RMC1: variants seen among roughly 807,000 people sequenced by gnomAD.
RMC1 encodes regulator of MON1-CCZ1 complex.
In RMC1, 44 loss-of-function variants were observed where a neutral mutation model predicts 95.5. The observed-to-expected ratio is 0.46, with a 90% CI of 0.36 to 0.59. The LOEUF (loss-of-function observed/expected upper bound fraction) is 0.59, where lower values mean the gene tolerates loss of function less well. RMC1 is among the 20% of genes least tolerant of loss of function. The pLI is 0.00. For missense variants in RMC1, 705 were observed against 819.6 expected, an observed-to-expected ratio of 0.86 and a Z score of 1.71; for synonymous variants, 320 against 303.6, an observed-to-expected ratio of 1.05 and a Z score of -0.56.
chr18:23,531,564 GCTTT>G (rs928039586), intron 19 of RMC1, 57 bp from the exon 20 acceptor site: 31 of 1,586,632 alleles, frequency 2.0e-5, no homozygotes, highest in African/African-American at 1.6e-4. Context: ...CCTACGAGAT[GCTTT>G]CTTTGTCCCT....
At chr18:23,513,053 A>G (rs912003867) in intron 5 of RMC1, among the ~76,000 whole-genome samples, 1 of 152,018 alleles carries the variant, frequency 6.6e-6, no homozygotes, top group Non-Finnish European at 1.5e-5. Context: ...TCCTGGGTTC[A>G]GGCGATTCTC....
rs1015779338 is a variant in RMC1, at chr18:23,524,630, T to C, written c.1060+148T>C. The C allele has an allele frequency of 9.8e-6, 7 of 715,862 alleles. No homozygotes were observed. In the African/African-American group the frequency reaches 1.3e-4, roughly 13 times the overall value. 44.3% of individuals were successfully genotyped at this position (715,862 alleles called of 1,614,324 possible). ...AATGGGATTTTTTTTTTTCACTTTA[T>C]ACGTTTTTTACTATATGTGCATTTT... is the stretch of plus-strand genomic sequence containing the variant. On this transcript the variant is annotated intron_variant, in intron 12 of 19. Transcript: ENST00000269221.
chr18:23,529,726 A>G lies in RMC1; in HGVS notation c.1494+14A>G, dbSNP rs376719486. On this transcript the variant is annotated intron_variant, in intron 16 of 19. Coordinates refer to ENST00000269221, the MANE Select transcript of RMC1 (RefSeq NM_013326.5). Reference sequence around the variant, plus strand: ...ATTGCAGTACAGGTACCTTCAAATCATCTGGGCCCAAGTTAAAACAGAAGG... The same window carrying G: ...ATTGCAGTACAGGTACCTTCAAATCGTCTGGGCCCAAGTTAAAACAGAAGG... 3 of 1,603,358 alleles carry G rather than the reference A, an allele frequency of 1.9e-6. No homozygotes were observed. In the African/African-American group the frequency reaches 4.0e-5, roughly 21 times the overall value.
chr18:23,505,120 C>T (rs1183898860), intron 2 of RMC1, among the ~76,000 whole-genome samples: 3 of 152,218 alleles, frequency 2.0e-5, no homozygotes, highest in South Asian at 2.1e-4. Context: ...TGCAGTGGTG[C>T]GATCTTGGCT....
intron 5 of RMC1, 132 bp from the exon 6 acceptor site, chr18:23,515,724 G>C: frequency 2.0e-6 from 2 of 986,552 alleles, no homozygotes; most frequent in Non-Finnish European, 3.0e-6. Flanking sequence ...GTAGAGATGG[G>C]GTTTTACCAT....
intron 12 of RMC1, among the ~76,000 whole-genome samples, chr18:23,525,534 C>T (rs1296687642): frequency 6.6e-6 from 1 of 152,198 alleles, no homozygotes; most frequent in Non-Finnish European, 1.5e-5. Context: ...AAGCGATTCT[C>T]CTGCCTCAGC....
intron 6 of RMC1, 76 bp downstream of exon 6, chr18:23,516,072 G>C: frequency 6.3e-7 from 1 of 1,592,688 alleles, no homozygotes; most frequent in Non-Finnish European, 8.6e-7. Context: ...AATGTGTCAG[G>C]CACGTTAGGG....
At chr18:23,527,088 G>C (rs2058320042) in intron 13 of RMC1, among the ~76,000 whole-genome samples, 1 of 151,954 alleles carries the variant, frequency 6.6e-6, no homozygotes, top group South Asian at 2.1e-4. Flanking sequence ...TCTTCTTTAA[G>C]AATCCCCTAC....
chr18:23,527,758 T>C (rs1293630139), intron 13 of RMC1, 37 bp from the exon 14 acceptor site: 5 of 1,523,212 alleles, frequency 3.3e-6, no homozygotes, highest in Non-Finnish European at 4.6e-6. Flanking sequence ...TGACATGAAG[T>C]TGGTTTGATC....
Position 23,503,618 on chromosome 18 carries a change from C to G in RMC1, c.-1C>G. On this transcript the variant is annotated 5_prime_UTR_variant, in exon 1 of 20. Coordinates refer to ENST00000269221, the MANE Select transcript of RMC1 (RefSeq NM_013326.5). ...CCCCCGCCGCGGGCGCGGCGCCCGC[C>G]ATGGGCGAGGAGGACTACTATCTGG... 1 of 1,552,980 alleles carries G rather than the reference C, an allele frequency of 6.4e-7. No homozygotes were observed. Among genetic ancestry groups the G allele is most frequent in the Non-Finnish European group, 8.7e-7 (1 of 1,150,364 alleles).
intron 15 of RMC1, 153 bp downstream of exon 15, chr18:23,529,451 T>TA: frequency 7.5e-7 from 1 of 1,340,600 alleles, no homozygotes; most frequent in Non-Finnish European, 1.0e-6. Flanking sequence ...TAGTTTGGCT[T>TA]CTAATGCTGA....
chr18:23,504,461 C>A lies in RMC1; in HGVS notation c.179+14C>A. On this transcript the variant is annotated intron_variant, in intron 2 of 19. Coordinates refer to ENST00000269221, the MANE Select transcript of RMC1 (RefSeq NM_013326.5). ...CATCTCATTTAGGTAATGGTATAGA[C>A]ACTTTCAGATCATTTTGTCATGTAA... 1 of 1,582,716 alleles carries A rather than the reference C, an allele frequency of 6.3e-7. No homozygotes were observed. Among genetic ancestry groups the A allele is most frequent in the Non-Finnish European group, 8.7e-7 (1 of 1,151,958 alleles).
intron 10 of RMC1, chr18:23,522,382 C>T (rs1046765183): frequency 2.0e-5 from 3 of 152,232 alleles, no homozygotes; most frequent in Admixed American, 1.3e-4. Flanking sequence ...ACAAGCCTGT[C>T]CAACCCACGG....
intron 2 of RMC1, among the ~76,000 whole-genome samples, chr18:23,505,045 G>T (rs1226438928): frequency 6.6e-6 from 1 of 151,990 alleles, no homozygotes; most frequent in Non-Finnish European, 1.5e-5. Flanking sequence ...TTTTACTGTT[G>T]GTCTGTGTTA....
At position 23,529,664 on chromosome 18, in the gene RMC1, G is replaced by A. The variant is rs766816904; in HGVS notation, c.1446G>A (p.Val482=). The A allele has an allele frequency of 4.3e-6, 7 of 1,614,128 alleles. No individual in the cohort carries two copies. Among genetic ancestry groups the A allele is most frequent in the Non-Finnish European group, 5.9e-6 (7 of 1,180,012 alleles). The change falls in exon 16 of 20, where the codon GTG becomes GTA. Residue 482 remains valine, a synonymous_variant. Transcript: ENST00000269221. ...KEMPHKFVIA[V]LMEYIRSLNQ... is the part of the protein sequence containing the mutation. ...TGCCTCATAAATTTGTGATAGCCGT[G>A]CTGATGGAATACATTCGTTCTCTTA...
Position 23,531,766 on chromosome 18 carries a change from C to T in RMC1, c.*62C>T. ...AAGTTAATTTATTGCATTAATAAAG[C>T]TCTTTAAACTATAAAATGTTATAAA... is the stretch of plus-strand genomic sequence containing the variant. On this transcript the variant is annotated 3_prime_UTR_variant, in exon 20 of 20. Coordinates refer to ENST00000269221, the MANE Select transcript of RMC1 (RefSeq NM_013326.5). The T allele has an allele frequency of 6.3e-7, 1 of 1,576,878 alleles. No individual in the cohort carries two copies. The highest frequency in any genetic ancestry group is 8.6e-7 in the Non-Finnish European group (1 of 1,167,182).
intron 9 of RMC1, 62 bp from the exon 10 acceptor site, chr18:23,520,140 A>G (rs921081613): frequency 1.2e-5 from 15 of 1,288,068 alleles, no homozygotes; most frequent in Non-Finnish European, 1.6e-5. Flanking sequence ...ATGGGATGGA[A>G]TGAAAGCAAC....
chr18:23,512,709 G>A (rs958737963), intron 5 of RMC1, among the ~76,000 whole-genome samples: 3 of 151,584 alleles, frequency 2.0e-5, no homozygotes, highest in Admixed American at 1.3e-4. Flanking sequence ...TGGGATTTAT[G>A]GGCATGAGCC....
chr18:23,516,487 AGT>A (rs2058008402), intron 7 of RMC1, 64 bp downstream of exon 7: 12 of 1,543,098 alleles, frequency 7.8e-6, no homozygotes, highest in Admixed American at 6.8e-5. Flanking sequence ...TAATAGAAGG[AGT>A]GTGTTACAAG....
Sources: allele counts gnomAD v4.1 joint callset (sites outside exome capture counted in the v4.1 genomes callset), GRCh38; gene constraint gnomAD v4.1.1; transcripts MANE v1.5; gene names NCBI Gene and HGNC (gene_info 2026-07-23, HGNC 2026-07-21).